Variants in AGAP1 observed in about 807,000 individuals in gnomAD.
AGAP1 encodes the protein ArfGAP with GTPase domain, ankyrin repeat and PH domain 1, also known as arf-GAP with GTPase, ANK repeat and PH domain-containing protein 1.
AGAP1 carries 29 observed loss-of-function variants against 105.3 expected under a neutral mutation model. That is an observed-to-expected ratio of 0.28 (90% CI 0.21 to 0.38). The LOEUF (loss-of-function observed/expected upper bound fraction) is 0.38. Ranked by LOEUF, AGAP1 falls within the 10% of genes least tolerant of loss-of-function variation. AGAP1 has a pLI of 1.00. For missense variants in AGAP1, 998 were observed against 1,165.1 expected (o/e 0.86, Z 2.09); for synonymous variants, 509 against 485.9 (o/e 1.05, Z -0.63).
intron 1 of AGAP1, among the ~76,000 whole-genome samples, chr2:235,545,345 A>G (rs994873033): frequency 1.3e-5 from 2 of 152,344 alleles, no homozygotes; most frequent in South Asian, 2.1e-4. Context: ...AGGAATGATT[A>G]TTGCAGGGTT....
chr2:235,514,276 C>G (rs976313609), intron 1 of AGAP1, among the ~76,000 whole-genome samples: 1 of 152,256 alleles, frequency 6.6e-6, no homozygotes. Flanking sequence ...TTACCCAGAC[C>G]TCAACCTGCT....
rs1946126862 is a variant in AGAP1, at chr2:235,611,600, C to T, written c.164-97579C>T. Reference sequence around the variant, plus strand: ...CGCTGTGTAATTAGAGAATCCCTCTCCACATGTGTTCTCTGAACAGGGAGC... The same window carrying T: ...CGCTGTGTAATTAGAGAATCCCTCTTCACATGTGTTCTCTGAACAGGGAGC... On this transcript the variant is annotated intron_variant, in intron 1 of 17. Transcript: ENST00000304032. The surrounding 1 kb of genome is among the most constrained non-coding windows in gnomAD (Gnocchi z 5.0). Among the ~76,000 whole-genome samples, 5 of 152,120 alleles carry T rather than the reference C, an allele frequency of 3.3e-5. No homozygotes were observed. Among genetic ancestry groups the T allele is most frequent in the Admixed American group, 3.3e-4 (5 of 15,268 alleles).
intron 16 of AGAP1, among the ~76,000 whole-genome samples, chr2:236,065,418 G>T (rs930251392): frequency 3.3e-5 from 5 of 152,152 alleles, no homozygotes; most frequent in Non-Finnish European, 7.3e-5. Flanking sequence ...TTTTCATCTG[G>T]CTGTGAAGCA....
At chr2:235,956,075 G>A (rs2053935861) in intron 12 of AGAP1, among the ~76,000 whole-genome samples, 1 of 152,172 alleles carries the variant, frequency 6.6e-6, no homozygotes, top group African/African-American at 2.4e-5. Context: ...GACGCATTCA[G>A]TCTCTCCCCA....
chr2:235,982,813 T>C lies in AGAP1; in HGVS notation c.1645+14190T>C, dbSNP rs1198323566. On this transcript the variant is annotated intron_variant, in intron 13 of 17. Transcript: ENST00000304032. The surrounding 1 kb of genome is among the most constrained non-coding windows in gnomAD (Gnocchi z 4.9). The stretch of plus-strand genomic sequence containing the variant: ...GGACATTCAAAGATTAATATGTTAC[T>C]GTCATCAGTGACTTGTTACCTTCTG... Among the ~76,000 whole-genome samples the C allele has an allele frequency of 6.6e-6, 1 of 152,224 alleles. No homozygotes were observed. The highest frequency in any genetic ancestry group is 1.9e-4 in the East Asian group (1 of 5,184).
In AGAP1 at chr2:235,535,592, G is replaced by T. The variant is rs1943186413; in HGVS notation, c.163+40743G>T. 6.6e-6 allele frequency among the ~76,000 whole-genome samples: 1 copy of T among 151,862 alleles called. No individual in the cohort carries two copies. The highest frequency in any genetic ancestry group is 1.5e-5 in the Non-Finnish European group (1 of 67,964). ...GCAAGGAACGGTGGCGGGGCCAAAG[G>T]TTTCCTCAAAGACCCTGGGGGCCGG... On this transcript the variant is annotated intron_variant, in intron 1 of 17. Coordinates refer to ENST00000304032, the MANE Select transcript of AGAP1 (RefSeq NM_001037131.3). This position sits in a 1 kb window ranked among gnomAD's most constrained non-coding sequence, Gnocchi z 5.1.
In AGAP1 at chr2:235,653,497, A is replaced by G. The variant is rs1251288120; in HGVS notation, c.164-55682A>G. Among the ~76,000 whole-genome samples the G allele has an allele frequency of 3.9e-5, 4 of 103,088 alleles. No individual in the cohort carries two copies. In the Admixed American group the frequency reaches 5.6e-4, roughly 14 times the overall value. The allele number at this position is 103,088 out of a possible 152,430, so 67.6% of individuals were successfully genotyped here. On this transcript the variant is annotated intron_variant, in intron 1 of 17. Coordinates refer to ENST00000304032, the MANE Select transcript of AGAP1 (RefSeq NM_001037131.3). ...AATAAAATAAAATAAAATAAAATAA[A>G]ATATAACATAACATAACATAACATA...
In AGAP1 at chr2:235,960,760, C is replaced by T. The variant is rs1286127177; in HGVS notation, c.1484-7702C>T. On this transcript the variant is annotated intron_variant, in intron 12 of 17. Coordinates refer to ENST00000304032, the MANE Select transcript of AGAP1 (RefSeq NM_001037131.3). The surrounding 1 kb of genome is among the most constrained non-coding windows in gnomAD (Gnocchi z 4.9). ...CTCTGACAGCGGCCAGCTCCTAGGG[C>T]ACGCTTGGTGCGTGGGGACACTCAA... Among the ~76,000 whole-genome samples, 1 of 152,212 alleles carries T rather than the reference C, an allele frequency of 6.6e-6. No homozygotes were observed. Among genetic ancestry groups the T allele is most frequent in the African/African-American group, 2.4e-5 (1 of 41,464 alleles).
intron 16 of AGAP1, among the ~76,000 whole-genome samples, chr2:236,116,959 C>T (rs868496732): frequency 1.3e-4 from 20 of 152,224 alleles, no homozygotes; most frequent in South Asian, 2.1e-4. Flanking sequence ...TGTTGTATTC[C>T]GTCGTATATG....
At position 235,919,633 on chromosome 2, in the gene AGAP1, CTG is replaced by C. The variant is rs750476977; in HGVS notation, c.1324+10729_1324+10730del. ...GGGGCCACCTGCTCCTGGAAGGGGA[CTG>C]TAAAATTCAGAGATGACCGGGGAAC... On this transcript the variant is annotated intron_variant, in intron 11 of 17. Coordinates refer to ENST00000304032, the MANE Select transcript of AGAP1 (RefSeq NM_001037131.3). The surrounding 1 kb of genome is among the most constrained non-coding windows in gnomAD (Gnocchi z 4.1). Among the ~76,000 whole-genome samples the C allele has an allele frequency of 6.6e-4, 101 of 152,220 alleles. No individual in the cohort carries two copies. Among genetic ancestry groups the C allele is most frequent in the Non-Finnish European group, 1.2e-3 (79 of 68,012 alleles).
chr2:236,106,118 G>T (rs531462396), intron 16 of AGAP1, among the ~76,000 whole-genome samples: 14 of 152,238 alleles, frequency 9.2e-5, no homozygotes, highest in Non-Finnish European at 2.1e-4. Flanking sequence ...CCCTTGGCTG[G>T]CTGGCTGGCA....
In AGAP1 at chr2:235,747,135, G is replaced by C. The variant is rs925878779; in HGVS notation, c.538+2296G>C. ...TTTCAATCTGCGACCAGTGTTCCAG[G>C]GTCCTGCCTGGAATCCTGAACCCCA... is the stretch of plus-strand genomic sequence containing the variant. On this transcript the variant is annotated intron_variant, in intron 5 of 17. Transcript: ENST00000304032. The surrounding 1 kb of genome is among the most constrained non-coding windows in gnomAD (Gnocchi z 5.0). Among the ~76,000 whole-genome samples, 2 of 151,982 alleles carry C rather than the reference G, an allele frequency of 1.3e-5. No homozygotes were observed. Among genetic ancestry groups the C allele is most frequent in the Admixed American group, 1.3e-4 (2 of 15,248 alleles).
At chr2:235,524,445 G>A in intron 1 of AGAP1, 1 of 261,688 alleles carries the variant, frequency 3.8e-6, no homozygotes, top group Non-Finnish European at 8.3e-6. Context: ...TAGAGCCTTT[G>A]AGCTGAGAAT....
rs1459658965 is a variant in AGAP1 at position 235,744,728 on chromosome 2, G to A, written c.427G>A (p.Val143Ile). 5 of 1,613,768 alleles carry A rather than the reference G, an allele frequency of 3.1e-6. No individual in the cohort carries two copies. The South Asian group carries it at 3.3e-5, about 11-fold the overall frequency. The change falls in exon 5 of 18, where the codon GTC (valine) becomes ATC (isoleucine). Residue 143 changes from valine to isoleucine, a missense_variant. By Grantham distance (29) the Val-to-Ile change is conservative (BLOSUM62 3). Around this residue, in one of 3 missense-constraint regions of AGAP1, gnomAD observed 735 missense variants for 833.4 expected, o/e 0.88. Coordinates refer to ENST00000304032, the MANE Select transcript of AGAP1 (RefSeq NM_001037131.3). This position sits in a 1 kb window ranked among gnomAD's most constrained non-coding sequence, Gnocchi z 5.2. Reference protein sequence around the residue: ...FAMWVDAVIFVFSLEDEISFQ... With the variant: ...FAMWVDAVIFIFSLEDEISFQ... ...CATGTGGGTGGACGCTGTTATATTT[G>A]TCTTCAGCTTGGAGGATGAAATAAG...
chr2:235,972,057 G>A (rs1313728918), intron 13 of AGAP1, among the ~76,000 whole-genome samples: 1 of 152,092 alleles, frequency 6.6e-6, no homozygotes, highest in African/African-American at 2.4e-5. Flanking sequence ...GACTACAGGC[G>A]TGAGCCACCA....
At chr2:235,778,067 C>T (rs1386703544) in intron 6 of AGAP1, among the ~76,000 whole-genome samples, 1 of 152,074 alleles carries the variant, frequency 6.6e-6, no homozygotes, top group Non-Finnish European at 1.5e-5. Context: ...TTTCTCTGAG[C>T]TTGAGACTTA....
intron 16 of AGAP1, among the ~76,000 whole-genome samples, chr2:236,099,482 C>T (rs1391542634): frequency 6.6e-6 from 1 of 151,700 alleles, no homozygotes; most frequent in Non-Finnish European, 1.5e-5. Flanking sequence ...AAATATGGTG[C>T]TTGGTTCTTA....
rs771340671 is a variant in AGAP1, at chr2:236,120,350, A to C, written c.2273A>C (p.Asp758Ala). Residue 758 changes from aspartate (D) to alanine (A), a missense_variant, in exon 17 of 18, where the codon GAC becomes GCC. Physicochemically the swap from Asp to Ala is moderately radical, Grantham distance 126 (BLOSUM62 -2). Around this residue, in one of 3 missense-constraint regions of AGAP1, gnomAD observed 235 missense variants for 270.7 expected, o/e 0.87. Transcript: ENST00000304032. This position sits in a 1 kb window ranked among gnomAD's most constrained non-coding sequence, Gnocchi z 6.0. ...CTGCTGCTGGCACACGGCTCCCGGG[A>C]CGAGGTGAACGAGACCTGCGGGGAG... ...AILLLAHGSR[D>A]EVNETCGEGD... The C allele has an allele frequency of 6.2e-7, 1 of 1,611,920 alleles. No homozygotes were observed. The highest frequency in any genetic ancestry group is 1.1e-5 in the South Asian group (1 of 90,988).
chr2:235,997,591 A>T (rs1374293184), intron 13 of AGAP1, among the ~76,000 whole-genome samples: 2 of 152,182 alleles, frequency 1.3e-5, no homozygotes, highest in Non-Finnish European at 2.9e-5. Flanking sequence ...GTAACTGCCC[A>T]CTGTATGTGG....
Sources: gnomAD v4.1 joint callset for allele counts (sites outside exome capture counted in the v4.1 genomes callset) on GRCh38, gnomAD v4.1.1 for gene constraint, gnomAD v4.1.1 regional missense constraint, Gnocchi (gnomAD v3.1) non-coding constraint, MANE v1.5 for transcripts, NCBI Gene and HGNC (gene_info 2026-07-23, HGNC 2026-07-21) for gene names.